The following RNGTT variants were observed in gnomAD, a reference collection of about 807,000 sequenced individuals.
RNGTT encodes mRNA-capping enzyme.
Under a neutral mutation model 79.3 loss-of-function variants are expected in RNGTT, and 33 were observed. The observed-to-expected ratio is 0.42, with a 90% confidence interval of 0.32 to 0.56. RNGTT has a LOEUF of 0.56. RNGTT is among the 20% of genes least tolerant of loss of function. The pLI, the probability that RNGTT is intolerant of heterozygous loss-of-function variation, is 0.17. For synonymous variants in RNGTT, 222 were observed against 235.9 expected, an observed-to-expected ratio of 0.94 and a Z score of 0.54; for missense variants, 497 against 739.1, an observed-to-expected ratio of 0.67 and a Z score of 3.80.
At chr6:88,810,117 C>T (rs112862578) in intron 11 of RNGTT, among the ~76,000 whole-genome samples, 2,406 of 152,208 alleles carry the variant, frequency 0.016, 17 homozygotes, top group Middle Eastern at 0.048. Flanking sequence ...TACAAATCAA[C>T]GACCTCAACT....
intron 8 of RNGTT, among the ~76,000 whole-genome samples, chr6:88,863,435 T>G (rs752418211): frequency 3.3e-5 from 5 of 152,160 alleles, no homozygotes; most frequent in Non-Finnish European, 5.9e-5. Context: ...ACTGTAACTT[T>G]CATTTTAATT....
intron 11 of RNGTT, among the ~76,000 whole-genome samples, chr6:88,806,410 C>T (rs907166637): frequency 4.6e-5 from 7 of 151,494 alleles, no homozygotes; most frequent in East Asian, 1.9e-4. Context: ...CTCTGCTTCC[C>T]GGGTTCAAGA....
chr6:88,911,108 C>T (rs1353050806), intron 4 of RNGTT, among the ~76,000 whole-genome samples: 4 of 152,058 alleles, frequency 2.6e-5, no homozygotes, highest in African/African-American at 9.7e-5. Flanking sequence ...AACAGCACCA[C>T]CGCAGGAAAA....
At chr6:88,660,578 T>C (rs1055371723) in intron 14 of RNGTT, among the ~76,000 whole-genome samples, 16 of 141,702 alleles carry the variant, frequency 1.1e-4, no homozygotes, top group African/African-American at 4.9e-4. Flanking sequence ...GGAGAGACAT[T>C]ATACAATGAT....
At chr6:88,749,363 T>C (rs1163374481) in intron 13 of RNGTT, among the ~76,000 whole-genome samples, 2 of 152,036 alleles carry the variant, frequency 1.3e-5, no homozygotes, top group Non-Finnish European at 2.9e-5. Context: ...CTTGGAAAAG[T>C]ATAAATGTTA....
intron 14 of RNGTT, among the ~76,000 whole-genome samples, chr6:88,632,899 C>T (rs1582257005): frequency 6.6e-6 from 1 of 152,220 alleles, no homozygotes; most frequent in South Asian, 2.1e-4. Flanking sequence ...CTCATGGCTT[C>T]TGCCACCTTC....
chr6:88,687,898 T>C (rs1775336325), intron 13 of RNGTT, among the ~76,000 whole-genome samples: 1 of 152,148 alleles, frequency 6.6e-6, no homozygotes, highest in Admixed American at 6.6e-5. Context: ...TATCTTTTTA[T>C]ACAGTTAGGA....
chr6:88,613,565 TAGCTTATCA>T (rs1772111423), intron 15 of RNGTT, among the ~76,000 whole-genome samples: 1 of 152,218 alleles, frequency 6.6e-6, no homozygotes, highest in South Asian at 2.1e-4. Flanking sequence ...ATTTTCTCAT[TAGCTTATCA>T]TATCATCATC....
intron 11 of RNGTT, among the ~76,000 whole-genome samples, chr6:88,839,165 A>C (rs1562279137): frequency 1.3e-5 from 2 of 152,172 alleles, no homozygotes. Context: ...GCAACTGTTA[A>C]AGAGAAATGA....
At chr6:88,817,490 T>TAAAAAAAAAAGA (rs1780350910) in intron 11 of RNGTT, among the ~76,000 whole-genome samples, 1 of 44,558 alleles carries the variant, frequency 2.2e-5, no homozygotes, top group African/African-American at 9.7e-5. Flanking sequence ...AAAAAATAAG[T>TAAAAAAAAAAGA]AAAAAAAAAA....
intron 2 of RNGTT, among the ~76,000 whole-genome samples, chr6:88,934,463 CCT>C (rs1296481814): frequency 1.3e-5 from 2 of 151,862 alleles, no homozygotes; most frequent in Non-Finnish European, 2.9e-5. Context: ...ATTTGTATGT[CCT>C]CTTTTGAGAA....
intron 14 of RNGTT, among the ~76,000 whole-genome samples, chr6:88,619,262 C>G (rs1427666220): frequency 6.6e-6 from 1 of 151,942 alleles, no homozygotes; most frequent in Non-Finnish European, 1.5e-5. Context: ...ACTTCCTTGG[C>G]TCAAGTCATC....
chr6:88,624,663 G>A (rs542674979), intron 14 of RNGTT, among the ~76,000 whole-genome samples: 3 of 151,552 alleles, frequency 2.0e-5, no homozygotes, highest in African/African-American at 7.2e-5. Context: ...TGTGACCTAG[G>A]GTTAGGCAAA....
chr6:88,782,938 T>G (rs1779112125), intron 12 of RNGTT, among the ~76,000 whole-genome samples: 1 of 152,154 alleles, frequency 6.6e-6, no homozygotes, highest in Non-Finnish European at 1.5e-5. Flanking sequence ...CTTGTATACT[T>G]CGGTGAGAAT....
chr6:88,937,527 A>AT lies in RNGTT; in HGVS notation c.174+3543dup, dbSNP rs201510572. Among the ~76,000 whole-genome samples, 1,241 of 142,072 alleles carry AT rather than the reference A, an allele frequency of 8.7e-3. 15 individuals are homozygous for AT. Among genetic ancestry groups the AT allele is most frequent in the African/African-American group, 0.026 (1,025 of 38,772 alleles). The allele number at this position is 142,072 out of a possible 152,430, so 93.2% of individuals were successfully genotyped here. On this transcript the variant is annotated intron_variant, in intron 2 of 15. Transcript: ENST00000369485. The stretch of plus-strand genomic sequence containing the variant: ...ACTTTTCATTTTGTTGATTCTTTGT[A>AT]TTTTTTTTTTTAGTGTCTATTTTGT...
Position 88,891,798 on chromosome 6 carries a change from T to C in RNGTT, c.794+8A>G. 1 of 1,516,484 alleles carries C rather than the reference T, an allele frequency of 6.6e-7. No individual in the cohort carries two copies. The highest frequency in any genetic ancestry group is 1.4e-5 in the African/African-American group (1 of 69,444). The allele number at this position is 1,516,484 out of a possible 1,614,324, so 93.9% of individuals were successfully genotyped here. On this transcript the variant is annotated splice_region_variant and intron_variant, in intron 7 of 15. Coordinates refer to ENST00000369485, the MANE Select transcript of RNGTT (RefSeq NM_003800.5). Reference sequence around the variant, plus strand: ...AATTTTATTTAAAAATTTAAAAATATTTATTACCCTTCCCAGCCACAGAAT... The same window carrying C: ...AATTTTATTTAAAAATTTAAAAATACTTATTACCCTTCCCAGCCACAGAAT...
chr6:88,960,877 G>A (rs9444659), intron 1 of RNGTT, among the ~76,000 whole-genome samples: 5,238 of 152,262 alleles, frequency 0.034, 322 homozygotes, highest in African/African-American at 0.12. Context: ...CAACATATAA[G>A]TTTGAGCAGC....
chr6:88,681,320 T>A (rs1433085063), intron 13 of RNGTT, among the ~76,000 whole-genome samples: 1 of 152,200 alleles, frequency 6.6e-6, no homozygotes, highest in African/African-American at 2.4e-5. Flanking sequence ...TTTCCCTAAA[T>A]AAGAAATTTC....
chr6:88,621,796 G>T (rs1196447351), intron 14 of RNGTT, among the ~76,000 whole-genome samples: 1 of 152,032 alleles, frequency 6.6e-6, no homozygotes, highest in Non-Finnish European at 1.5e-5. Flanking sequence ...AAACTTAGTT[G>T]TTACCTGACC....
Sources: gnomAD v4.1 joint callset for allele counts (sites outside exome capture counted in the v4.1 genomes callset) on GRCh38, gnomAD v4.1.1 for gene constraint, MANE v1.5 for transcripts, NCBI Gene and HGNC (gene_info 2026-07-23, HGNC 2026-07-21) for gene names.